Variants in NRSN2 observed in about 807,000 individuals in gnomAD.
NRSN2 encodes the protein neurensin 2.
A neutral mutation model predicts 11.1 loss-of-function variants in NRSN2; 10 were observed. That is an observed-to-expected ratio of 0.90 (90% CI 0.56 to 1.53). The LOEUF is 1.53. Among genes scored for constraint, NRSN2 ranks in the 40% most tolerant of loss-of-function variants. The pLI is 0.00. For missense variants in NRSN2, 260 were observed against 273.7 expected (o/e 0.95, Z 0.35); for synonymous variants, 100 against 117.0 (o/e 0.86, Z 0.94).
At chr20:352,718 G>C (rs1357273694) in intron 4 of NRSN2, among the ~76,000 whole-genome samples, 1 of 152,238 alleles carries the variant, frequency 6.6e-6, no homozygotes, top group African/African-American at 2.4e-5. Flanking sequence ...AGTACTGCGG[G>C]AGAGGCAGAC....
rs778736914 is a variant in NRSN2 at position 352,281 on chromosome 20, T to A, written c.190-929T>A. ...AGGTGGCAATGAGCTGAGTGCCTGC[T>A]ATGGGCATAGCTCTTTGCTAAATAT... On this transcript the variant is annotated intron_variant, in intron 4 of 4. Coordinates refer to ENST00000382285, the MANE Select transcript of NRSN2 (RefSeq NM_001323682.2). 1.8e-3 allele frequency among the ~76,000 whole-genome samples: 268 copies of A among 152,306 alleles called. 1 individual carries two copies. Among genetic ancestry groups the A allele is most frequent in the Non-Finnish European group, 2.8e-3 (191 of 68,024 alleles).
rs1241224889 is a variant in NRSN2, at chr20:353,668, A to G, written c.*33A>G. 3 of 1,484,584 alleles carry G rather than the reference A, an allele frequency of 2.0e-6. No homozygotes were observed. The highest frequency in any genetic ancestry group is 2.4e-5 in the African/African-American group (1 of 41,424). The allele number at this position is 1,484,584 out of a possible 1,614,324, so 92.0% of individuals were successfully genotyped here. On this transcript the variant is annotated 3_prime_UTR_variant, in exon 5 of 5. Transcript: ENST00000382285. Reference sequence around the variant, plus strand: ...ACATGGCCTAAGATGTGGGTCCTGGATCCTTCCCCCCTTCTCACCATAACC... The same window carrying G: ...ACATGGCCTAAGATGTGGGTCCTGGGTCCTTCCCCCCTTCTCACCATAACC...
Position 354,144 on chromosome 20 carries a change from T to A in NRSN2, c.*509T>A, listed in dbSNP as rs1422203398. 6.5e-6 allele frequency: 1 copy of A among 154,418 alleles called. No individual in the cohort carries two copies. The highest frequency in any genetic ancestry group is 2.4e-5 in the African/African-American group (1 of 41,508). 9.6% of individuals were successfully genotyped at this position (154,418 alleles called of 1,614,324 possible). A position where few individuals can be genotyped will look rare whatever the true frequency, so the allele number is the denominator to read the frequency against. ...GAAGACGTTTGCCTCTCACAGTGTG[T>A]CTTCTACCTGCATTTTGGCATCAGA... On this transcript the variant is annotated 3_prime_UTR_variant, in exon 5 of 5. Coordinates refer to ENST00000382285, the MANE Select transcript of NRSN2 (RefSeq NM_001323682.2).
At chr20:351,315 G>C (rs1057306384) in intron 4 of NRSN2, among the ~76,000 whole-genome samples, 8 of 152,192 alleles carry the variant, frequency 5.3e-5, no homozygotes, top group Non-Finnish European at 7.3e-5. Context: ...CAGGAGGATT[G>C]CTTGAGCCCA....
Position 353,841 on chromosome 20 carries a change from C to G in NRSN2, c.*206C>G. The stretch of plus-strand genomic sequence containing the variant: ...AGATACCAGCATTCCTCAAGTCCTC[C>G]CAAAACTTCCTACCCACACCCTCTT... On this transcript the variant is annotated 3_prime_UTR_variant, in exon 5 of 5. Coordinates refer to ENST00000382285, the MANE Select transcript of NRSN2 (RefSeq NM_001323682.2). 1 of 579,318 alleles carries G rather than the reference C, an allele frequency of 1.7e-6. No homozygotes were observed. Among genetic ancestry groups the G allele is most frequent in the Non-Finnish European group, 3.0e-6 (1 of 332,552 alleles). 35.9% of individuals were successfully genotyped at this position (579,318 alleles called of 1,614,324 possible).
intron 4 of NRSN2, among the ~76,000 whole-genome samples, chr20:350,358 A>G (rs2013836412): frequency 6.6e-6 from 1 of 151,972 alleles, no homozygotes; most frequent in Non-Finnish European, 1.5e-5. Flanking sequence ...GGGCGCCTGT[A>G]ATCCCGGCTA....
chr20:351,214 A>G (rs2013944627), intron 4 of NRSN2, among the ~76,000 whole-genome samples: 1 of 151,818 alleles, frequency 6.6e-6, no homozygotes, highest in African/African-American at 2.4e-5. Flanking sequence ...GCACAACAAG[A>G]GTGAAACTCT....
At position 353,803 on chromosome 20, in the gene NRSN2, C is replaced by G; in HGVS notation, c.*168C>G. On this transcript the variant is annotated 3_prime_UTR_variant, in exon 5 of 5. Coordinates refer to ENST00000382285, the MANE Select transcript of NRSN2 (RefSeq NM_001323682.2). The stretch of plus-strand genomic sequence containing the variant: ...AGTGCTCCCTCCCCAGGAGTGGGGC[C>G]CCAACTCTTCCAAGATACCAGCATT... 1 of 660,758 alleles carries G rather than the reference C, an allele frequency of 1.5e-6. No individual in the cohort carries two copies. Among genetic ancestry groups the G allele is most frequent in the East Asian group, 2.9e-5 (1 of 34,588 alleles). 40.9% of individuals were successfully genotyped at this position (660,758 alleles called of 1,614,324 possible).
Position 349,803 on chromosome 20 carries a change from C to A in NRSN2, c.160C>A (p.Arg54Ser). ...DPEGPPVLCP[R>S]RPWPSLCWKI... Reference sequence around the variant, plus strand: ...TGAGGGACCTCCGGTCCTGTGCCCCCGCCGGCCCTGGCCCTCACTGTGTTG... The same window carrying A: ...TGAGGGACCTCCGGTCCTGTGCCCCAGCCGGCCCTGGCCCTCACTGTGTTG... Residue 54 changes from arginine (R) to serine (S), a missense_variant, in exon 4 of 5, where the codon CGC (arginine) becomes AGC (serine). Transcript: ENST00000382285. The A allele has an allele frequency of 6.2e-7, 1 of 1,613,498 alleles. No individual in the cohort carries two copies. Among genetic ancestry groups the A allele is most frequent in the South Asian group, 1.1e-5 (1 of 91,072 alleles).
chr20:353,094 C>T, intron 4 of NRSN2, 116 bp from the exon 5 acceptor site: 1 of 873,572 alleles, frequency 1.1e-6, no homozygotes, highest in South Asian at 1.6e-5. Context: ...TGATTCCCAT[C>T]TCCTGAGGAT....
Position 353,620 on chromosome 20 carries a change from C to CA in NRSN2, c.602dup (p.Arg202GlufsTer23). On this transcript the variant is annotated frameshift_variant, in exon 5 of 5. Coordinates refer to ENST00000382285, the MANE Select transcript of NRSN2 (RefSeq NM_001323682.2). LOFTEE classifies it high-confidence loss of function. ...AATCTTCTGTGCAGACTATCCAGCC[C>CA]AAGAGGGACTCCTGAGCTGCCCACA... 2 of 1,614,116 alleles carry CA rather than the reference C, an allele frequency of 1.2e-6. No homozygotes were observed. Among genetic ancestry groups the CA allele is most frequent in the Non-Finnish European group, 1.7e-6 (2 of 1,180,008 alleles).
chr20:350,477 T>TAA (rs553851326), intron 4 of NRSN2, among the ~76,000 whole-genome samples: 6 of 83,436 alleles, frequency 7.2e-5, no homozygotes, highest in Admixed American at 1.4e-4. Context: ...AAACTCCCTC[T>TAA]AAAAAAAAAA....
intron 2 of NRSN2, chr20:348,167 C>G (rs1258750103): frequency 6.6e-6 from 1 of 152,300 alleles, no homozygotes. Flanking sequence ...TTCTTCTCCC[C>G]ACCCGGGCCT....
intron 4 of NRSN2, 84 bp from the exon 5 acceptor site, chr20:353,126 G>A: frequency 7.7e-7 from 1 of 1,290,566 alleles, no homozygotes; most frequent in South Asian, 1.3e-5. Flanking sequence ...TTACCCTTAA[G>A]TCTGGTGAGG....
intron 4 of NRSN2, among the ~76,000 whole-genome samples, chr20:352,780 G>A (rs892597333): frequency 3.3e-5 from 5 of 152,334 alleles, no homozygotes; most frequent in African/African-American, 1.2e-4. Context: ...AATGGTAAGT[G>A]TATTGAAGAA....
chr20:353,532 C>T lies in NRSN2; in HGVS notation c.512C>T (p.Ser171Leu). 1 of 1,614,180 alleles carries T rather than the reference C, an allele frequency of 6.2e-7. No individual in the cohort carries two copies. ...VFGDEPEQQL[S>L]PIFRNASGQS... ...GGGGATGAGCCAGAGCAGCAGTTGT[C>T]ACCCATTTTCCGCAATGCCAGTGGC... Residue 171 changes from serine to leucine, a missense_variant, in exon 5 of 5, where the codon TCA (serine) becomes TTA (leucine). Physicochemically the swap from Ser to Leu is moderately radical, Grantham distance 145. Coordinates refer to ENST00000382285, the MANE Select transcript of NRSN2 (RefSeq NM_001323682.2).
rs2013540983 is a variant in NRSN2 at position 347,766 on chromosome 20, C to T, written c.-122+254C>T. On this transcript the variant is annotated intron_variant, in intron 2 of 4. Transcript: ENST00000382285. The surrounding 1 kb of genome is among the most constrained non-coding windows in gnomAD (Gnocchi z 7.0). Reference sequence around the variant, plus strand: ...CCTCCTCCCTCCGCCGCAGTCTCCCCACGTCGGACAGCGCAGCCCCCTCCG... The same window carrying T: ...CCTCCTCCCTCCGCCGCAGTCTCCCTACGTCGGACAGCGCAGCCCCCTCCG... Among the ~76,000 whole-genome samples the T allele has an allele frequency of 6.6e-6, 1 of 152,142 alleles. No homozygotes were observed. The highest frequency in any genetic ancestry group is 2.1e-4 in the South Asian group (1 of 4,830).
At chr20:351,164 A>G (rs6084172) in intron 4 of NRSN2, among the ~76,000 whole-genome samples, 41,502 of 152,112 alleles carry the variant, frequency 0.27, 7,569 homozygotes, top group African/African-American at 0.52. Flanking sequence ...GGGAGACAGC[A>G]GTTGCAGTGA....
intron 4 of NRSN2, 74 bp from the exon 5 acceptor site, chr20:353,136 G>A: frequency 7.2e-7 from 1 of 1,388,122 alleles, no homozygotes; most frequent in Non-Finnish European, 1.0e-6. Context: ...GTCTGGTGAG[G>A]ATCCAAGGTG....
Sources: gnomAD v4.1 joint callset for allele counts (sites outside exome capture counted in the v4.1 genomes callset) on GRCh38, gnomAD v4.1.1 for gene constraint, Gnocchi (gnomAD v3.1) non-coding constraint, MANE v1.5 for transcripts, NCBI Gene and HGNC (gene_info 2026-07-23, HGNC 2026-07-21) for gene names.